TENT2: variants seen among roughly 807,000 people sequenced by gnomAD.
The protein encoded by TENT2 is terminal nucleotidyltransferase 2, also known as poly(A) RNA polymerase GLD2.
In TENT2, 44 loss-of-function variants were observed where a neutral mutation model predicts 72.2. The ratio of observed to expected loss-of-function variants is 0.61; its 90% confidence interval spans 0.48 to 0.78. The LOEUF is 0.78. Ranked by LOEUF, TENT2 falls within the 30% of genes least tolerant of loss-of-function variation. The pLI is 0.00. For synonymous variants in TENT2, 212 were observed against 192.5 expected (o/e 1.10, Z -0.84); for missense variants, 541 against 569.6 (o/e 0.95, Z 0.51).
Position 79,683,641 on chromosome 5 carries a change from C to T in TENT2, c.1381-1558C>T, listed in dbSNP as rs558461463. Among the ~76,000 whole-genome samples the T allele has an allele frequency of 2.4e-4, 36 of 152,060 alleles. No individual in the cohort carries two copies. In the South Asian group the frequency reaches 6.6e-3, roughly 28 times the overall value. ...TAGAAATTCTTTAATTTTGGCCGGGCGCGGTGGCTCACGCCTGTAATCCCA... is the reference window on the plus strand; with the variant it reads ...TAGAAATTCTTTAATTTTGGCCGGGTGCGGTGGCTCACGCCTGTAATCCCA... On this transcript the variant is annotated intron_variant, in intron 14 of 14. Coordinates refer to ENST00000453514, the MANE Select transcript of TENT2 (RefSeq NM_001114394.3).
chr5:79,657,027 A>C, intron 11 of TENT2, 26 bp downstream of exon 11: 1 of 1,462,362 alleles, frequency 6.8e-7, no homozygotes, highest in Non-Finnish European at 9.5e-7. Context: ...AAATTATTAT[A>C]ATACATTTTA....
At position 79,620,902 on chromosome 5, in the gene TENT2, T is replaced by C. The variant is rs148117960; in HGVS notation, c.227+819T>C. On this transcript the variant is annotated intron_variant, in intron 3 of 14. Transcript: ENST00000453514. ...TGAAAATTTCTGTGTGACATAAAAC[T>C]TCCTATAGTCAAGTCAGGAGTCAAT... Among the ~76,000 whole-genome samples, 971 of 152,290 alleles carry C rather than the reference T, an allele frequency of 6.4e-3. 3 individuals carry two copies. Among genetic ancestry groups the C allele is most frequent in the Non-Finnish European group, 9.2e-3 (626 of 68,026 alleles).
Position 79,641,150 on chromosome 5 carries a change from C to A in TENT2, c.626C>A (p.Thr209Asn). Residue 209 changes from threonine to asparagine, a missense_variant, in exon 6 of 15, where the codon ACC (threonine) becomes AAC (asparagine). Coordinates refer to ENST00000453514, the MANE Select transcript of TENT2 (RefSeq NM_001114394.3). ...LVGSSLNGFG[T>N]RSSDGDLCLV... ...GGGTCCTCTTTAAATGGATTTGGTA[C>A]CCGGAGCAGTGATGGTGATTTATGC... The A allele has an allele frequency of 6.3e-7, 1 of 1,577,342 alleles. No individual in the cohort carries two copies. The highest frequency in any genetic ancestry group is 1.2e-5 in the South Asian group (1 of 83,672).
intron 11 of TENT2, among the ~76,000 whole-genome samples, chr5:79,663,895 G>A (rs1338149241): frequency 6.6e-6 from 1 of 152,110 alleles, no homozygotes; most frequent in Non-Finnish European, 1.5e-5. Context: ...GCAACAAAAC[G>A]AGGTGTGCCT....
chr5:79,678,998 T>C (rs1202727383), intron 12 of TENT2, among the ~76,000 whole-genome samples: 3 of 152,142 alleles, frequency 2.0e-5, no homozygotes, highest in African/African-American at 7.2e-5. Context: ...CTCCGCCTCC[T>C]GGGTTCAAGC....
intron 3 of TENT2, among the ~76,000 whole-genome samples, chr5:79,622,977 T>C (rs1303864679): frequency 6.6e-6 from 1 of 152,150 alleles, no homozygotes; most frequent in Non-Finnish European, 1.5e-5. Flanking sequence ...ACTACTGAGA[T>C]GAAACATTGG....
chr5:79,629,227 C>A (rs1217144053), intron 4 of TENT2, among the ~76,000 whole-genome samples: 2 of 152,122 alleles, frequency 1.3e-5, no homozygotes, highest in African/African-American at 4.8e-5. Context: ...AACCCAACTT[C>A]TATGTTATAT....
Position 79,648,615 on chromosome 5 carries a change from A to G in TENT2, c.822-2A>G. ...TTTATTTATTTATTTTTTCTTAAAT[A>G]GTTGTGTGGAGTTTGACTTGAATGT... On this transcript the variant is annotated splice_acceptor_variant, in intron 8 of 14. Transcript: ENST00000453514. LOFTEE classifies it high-confidence loss of function. 6.5e-7 allele frequency: 1 copy of G among 1,548,158 alleles called. No homozygotes were observed. The highest frequency in any genetic ancestry group is 1.9e-5 in the Admixed American group (1 of 51,548).
intron 13 of TENT2, among the ~76,000 whole-genome samples, chr5:79,681,428 G>A (rs889099878): frequency 6.6e-6 from 1 of 151,828 alleles, no homozygotes; most frequent in East Asian, 1.9e-4. Flanking sequence ...AAAGTGCTGG[G>A]ATTACAGGCG....
intron 14 of TENT2, 46 bp from the exon 15 acceptor site, chr5:79,685,153 C>A: frequency 1.5e-6 from 2 of 1,331,710 alleles, no homozygotes; most frequent in Non-Finnish European, 2.1e-6. Flanking sequence ...GTCTTTTGTT[C>A]TGCATAAATT....
intron 11 of TENT2, among the ~76,000 whole-genome samples, chr5:79,663,683 T>C (rs1339834442): frequency 6.6e-6 from 1 of 152,166 alleles, no homozygotes; most frequent in Non-Finnish European, 1.5e-5. Context: ...ACATCAAATA[T>C]TACTGATCAC....
At position 79,685,214 on chromosome 5, in the gene TENT2, A is replaced by G. The variant is rs1468056831; in HGVS notation, c.1396A>G (p.Lys466Glu). ...TCTCTCCCAGTCATGGCACAGATTG[A>G]AAAACAAGAGAGATTTGAACAGTAT... ...DQFLKSWHRL[K>E]NKRDLNSILP... Residue 466 changes from lysine to glutamate, a missense_variant, in exon 15 of 15, where the codon AAA becomes GAA. Lys to Glu is a moderately conservative substitution (Grantham distance 56). Coordinates refer to ENST00000453514, the MANE Select transcript of TENT2 (RefSeq NM_001114394.3). 2 of 1,607,568 alleles carry G rather than the reference A, an allele frequency of 1.2e-6. No homozygotes were observed. The highest frequency in any genetic ancestry group is 1.7e-6 in the Non-Finnish European group (2 of 1,178,164).
intron 11 of TENT2, among the ~76,000 whole-genome samples, chr5:79,661,907 G>A (rs1472541458): frequency 6.6e-6 from 1 of 152,142 alleles, no homozygotes; most frequent in South Asian, 2.1e-4. Flanking sequence ...AAGTCAGTCC[G>A]CTCAAACTCT....
intron 7 of TENT2, among the ~76,000 whole-genome samples, chr5:79,644,401 AT>A (rs1487260799): frequency 1.3e-5 from 2 of 152,068 alleles, no homozygotes; most frequent in Non-Finnish European, 2.9e-5. Context: ...TTTGGGAAAG[AT>A]TTTCAGAATT....
chr5:79,646,029 T>C (rs190693795), intron 8 of TENT2, among the ~76,000 whole-genome samples: 109 of 152,318 alleles, frequency 7.2e-4, no homozygotes, highest in African/African-American at 2.5e-3. Context: ...CCAGCTGAGA[T>C]AGAATTAGGT....
At chr5:79,617,856 A>G (rs1005128311) in intron 1 of TENT2, among the ~76,000 whole-genome samples, 9 of 152,168 alleles carry the variant, frequency 5.9e-5, no homozygotes, top group Non-Finnish European at 5.9e-5. Flanking sequence ...CCCTCTTTGA[A>G]TATTTTATAA....
chr5:79,654,552 A>G (rs1303678851), intron 10 of TENT2, among the ~76,000 whole-genome samples: 1 of 152,164 alleles, frequency 6.6e-6, no homozygotes, highest in Non-Finnish European at 1.5e-5. Flanking sequence ...TAGACATTTT[A>G]AAATTGTCTT....
intron 12 of TENT2, among the ~76,000 whole-genome samples, chr5:79,676,655 AAGCAAGT>A (rs1256830189): frequency 2.0e-5 from 3 of 152,250 alleles, no homozygotes; most frequent in Admixed American, 2.0e-4. Flanking sequence ...ATTACCAAAG[AAGCAAGT>A]ACCTAACTTG....
intron 4 of TENT2, among the ~76,000 whole-genome samples, chr5:79,636,645 G>A: frequency 6.6e-6 from 1 of 152,046 alleles, no homozygotes; most frequent in East Asian, 1.9e-4. Flanking sequence ...TATCAGATGG[G>A]CTTTTGATTT....
Sources: allele counts gnomAD v4.1 joint callset (sites outside exome capture counted in the v4.1 genomes callset), GRCh38; gene constraint gnomAD v4.1.1; transcripts MANE v1.5; gene names NCBI Gene and HGNC (gene_info 2026-07-23, HGNC 2026-07-21).